Variants in LTBP4 observed in about 807,000 individuals in gnomAD.
LTBP4 encodes the protein latent transforming growth factor beta binding protein 4.
In LTBP4, 93 loss-of-function variants were observed where a neutral mutation model predicts 180.2. The observed-to-expected ratio is 0.52, with a 90% CI of 0.44 to 0.61. The LOEUF (loss-of-function observed/expected upper bound fraction) is 0.61. Among genes scored for constraint, LTBP4 ranks in the 20% least tolerant of loss-of-function variants. The pLI, the probability that LTBP4 is intolerant of heterozygous loss-of-function variation, is 0.00. For synonymous variants in LTBP4, 947 were observed against 934.5 expected, an observed-to-expected ratio of 1.01 and a Z score of -0.24; for missense variants, 2,116 against 2,256.5, an observed-to-expected ratio of 0.94 and a Z score of 1.26.
chr19:40,620,767 C>CAAAA (rs57662483), intron 22 of LTBP4, among the ~76,000 whole-genome samples: 2 of 100,450 alleles, frequency 2.0e-5, no homozygotes, highest in African/African-American at 7.4e-5. Flanking sequence ...GACTCCGTCC[C>CAAAA]AAAAAAAAAA....
rs1161919179 is a variant in LTBP4, at chr19:40,623,651, G to A, written c.3604G>A (p.Val1202Met). 1.2e-6 allele frequency: 2 copies of A among 1,613,798 alleles called. No homozygotes were observed. Among genetic ancestry groups the A allele is most frequent in the Non-Finnish European group, 1.7e-6 (2 of 1,179,872 alleles). Residue 1202 changes from valine (V) to methionine (M), a missense_variant, in exon 25 of 30, where the codon GTG becomes ATG. Val to Met is a conservative substitution (Grantham distance 21). Around this residue, in one of 5 missense-constraint regions of LTBP4, gnomAD observed 278 missense variants for 373.0 expected, o/e 0.75. Coordinates refer to ENST00000396819, the MANE Select transcript of LTBP4 (RefSeq NM_001042545.2). ...LFRDQVCKSGVCVNTAPGYSC... is the reference protein window; with the variant it reads ...LFRDQVCKSGMCVNTAPGYSC... The stretch of plus-strand genomic sequence containing the variant: ...CCGAGACCAGGTGTGCAAGAGTGGC[G>A]TGTGTGTGAACACGGCCCCGGGCTA...
rs1175613948 is a variant in LTBP4, at chr19:40,613,230, G to T, written c.2431+34G>T. 6.4e-7 allele frequency: 1 copy of T among 1,551,762 alleles called. No individual in the cohort carries two copies. The highest frequency in any genetic ancestry group is 1.9e-5 in the Admixed American group (1 of 51,390). Reference sequence around the variant, plus strand: ...CATAGGGACCCGCCAGAGAGTCTGGGAGTAGGGCCTGGGTTCCAGGGCAAA... The same window carrying T: ...CATAGGGACCCGCCAGAGAGTCTGGTAGTAGGGCCTGGGTTCCAGGGCAAA... On this transcript the variant is annotated intron_variant, in intron 16 of 29. Coordinates refer to ENST00000396819, the MANE Select transcript of LTBP4 (RefSeq NM_001042545.2). This position sits in a 1 kb window ranked among gnomAD's most constrained non-coding sequence, Gnocchi z 5.0.
intron 1 of LTBP4, chr19:40,593,306 A>T: frequency 9.1e-7 from 1 of 1,094,180 alleles, no homozygotes; most frequent in Non-Finnish European, 1.4e-6. Context: ...GCAGTGGTGC[A>T]ATCATGGCTC....
intron 22 of LTBP4, among the ~76,000 whole-genome samples, chr19:40,620,511 G>C (rs2081579118): frequency 6.6e-6 from 1 of 151,008 alleles, no homozygotes; most frequent in Non-Finnish European, 1.5e-5. Context: ...ATTGGTGGCT[G>C]AAGGCCATAA....
intron 6 of LTBP4, 44 bp downstream of exon 6, chr19:40,606,570 G>T (rs1376585377): frequency 1.2e-5 from 18 of 1,535,158 alleles, no homozygotes; most frequent in Non-Finnish European, 1.4e-5. Context: ...CGCCCTCCCT[G>T]CCCTCAGAAG....
intron 19 of LTBP4, among the ~76,000 whole-genome samples, chr19:40,615,693 G>A (rs979613558): frequency 8.6e-5 from 13 of 151,986 alleles, no homozygotes; most frequent in Non-Finnish European, 4.4e-5. Flanking sequence ...GGGAGGCGGA[G>A]GTGGCAGTTG....
chr19:40,610,696 C>T, intron 12 of LTBP4, 39 bp downstream of exon 12: 1 of 1,555,546 alleles, frequency 6.4e-7, no homozygotes, highest in Non-Finnish European at 8.7e-7. Context: ...GGGGTGTGAG[C>T]GGTTGGGTAG....
Position 40,605,696 on chromosome 19 carries a change from GC to G in LTBP4, c.691-32del, listed in dbSNP as rs1332742027. 6.5e-7 allele frequency: 1 copy of G among 1,545,806 alleles called. No individual in the cohort carries two copies. Among genetic ancestry groups the G allele is most frequent in the Non-Finnish European group, 8.7e-7 (1 of 1,146,122 alleles). On this transcript the variant is annotated intron_variant, in intron 3 of 29. Transcript: ENST00000396819. This position sits in a 1 kb window ranked among gnomAD's most constrained non-coding sequence, Gnocchi z 5.5. ...GGAGGGGCCCGGAGCTTGCCTCCGC[GC>G]GGGGGCGCGCTCACCCAACACTTCC... is the stretch of plus-strand genomic sequence containing the variant.
At chr19:40,627,442 G>C (rs1242299276) in intron 28 of LTBP4, 87 bp downstream of exon 28, 33 of 1,422,670 alleles carry the variant, frequency 2.3e-5, no homozygotes, top group Non-Finnish European at 2.9e-5. Flanking sequence ...GGCGGGAGGA[G>C]AGACGGAACA....
Position 40,613,528 on chromosome 19 carries a change from C to G in LTBP4, c.2556C>G (p.Leu852=). ...CCGGACCCCGCGGAGCCTCTTGCCT[C>G]GGTTCGTACCCGGGCTGATCCTGGC... ...YRPGPRGASC[L]DVDECSEEDL... is the part of the protein sequence containing the mutation. Residue 852 remains leucine, a splice_region_variant and synonymous_variant, in exon 17 of 30, where the codon CTC becomes CTG. Coordinates refer to ENST00000396819, the MANE Select transcript of LTBP4 (RefSeq NM_001042545.2). The surrounding 1 kb of genome is among the most constrained non-coding windows in gnomAD (Gnocchi z 5.0). 6.4e-7 allele frequency: 1 copy of G among 1,566,134 alleles called. No homozygotes were observed. Among genetic ancestry groups the G allele is most frequent in the Non-Finnish European group, 8.6e-7 (1 of 1,156,836 alleles).
Position 40,611,990 on chromosome 19 carries a change from G to C in LTBP4, c.2179+6G>C, listed in dbSNP as rs377405402. The C allele has an allele frequency of 1.2e-6, 2 of 1,611,630 alleles. No individual in the cohort carries two copies. The highest frequency in any genetic ancestry group is 2.7e-5 in the African/African-American group (2 of 74,802). Reference sequence around the variant, plus strand: ...TGCTGGCTCCGAGTGCGAGGGTGAGGCCGGGGAGGGAGGGAGGAGTGTGGA... The same window carrying C: ...TGCTGGCTCCGAGTGCGAGGGTGAGCCCGGGGAGGGAGGGAGGAGTGTGGA... On this transcript the variant is annotated splice_donor_region_variant and intron_variant, in intron 14 of 29. Transcript: ENST00000396819. The surrounding 1 kb of genome is among the most constrained non-coding windows in gnomAD (Gnocchi z 4.4).
intron 11 of LTBP4, 88 bp from the exon 12 acceptor site, chr19:40,610,444 G>T: frequency 6.8e-7 from 1 of 1,467,964 alleles, no homozygotes; most frequent in Non-Finnish European, 9.1e-7. Flanking sequence ...GCTTGGTCCC[G>T]CTCCCGCTTC....
chr19:40,612,257 A>G, intron 15 of LTBP4, 65 bp downstream of exon 15: 1 of 1,514,102 alleles, frequency 6.6e-7, no homozygotes, highest in Non-Finnish European at 8.9e-7. Flanking sequence ...GACCCAGATC[A>G]CAACTATGAC....
chr19:40,610,637 C>T lies in LTBP4; in HGVS notation c.1790C>T (p.Pro597Leu), dbSNP rs769044873. The T allele has an allele frequency of 5.1e-6, 8 of 1,582,856 alleles. No individual in the cohort carries two copies. In the Admixed American group the frequency reaches 5.1e-5, roughly 10 times the overall value. ...TGCCCCGCCGGGTACCAGGCTGCAC[C>T]GCACGGAGCCAGCTGCCAGGGTGAG... The part of the protein sequence containing the change: ...CVCPAGYQAA[P>L]HGASCQDVDE... The change falls in exon 12 of 30, where the codon CCG becomes CTG. Residue 597 changes from proline to leucine, a missense_variant. By Grantham distance (98) the Pro-to-Leu change is moderately conservative. Transcript: ENST00000396819.
chr19:40,608,525 C>A lies in LTBP4; in HGVS notation c.1348C>A (p.Arg450=). ...TCGCCTGGAGCCCCGGCCTGAACCCCGGCCCGATCCCCGGCCCGGCCCTGA... is the reference window on the plus strand; with the variant it reads ...TCGCCTGGAGCCCCGGCCTGAACCCAGGCCCGATCCCCGGCCCGGCCCTGA... ...THRLEPRPEP[R]PDPRPGPELP... The change falls in exon 9 of 30, where the codon CGG becomes AGG. Residue 450 remains arginine (R), a synonymous_variant. Coordinates refer to ENST00000396819, the MANE Select transcript of LTBP4 (RefSeq NM_001042545.2). The A allele has an allele frequency of 6.2e-7, 1 of 1,605,722 alleles. No homozygotes were observed. The highest frequency in any genetic ancestry group is 8.5e-7 in the Non-Finnish European group (1 of 1,177,118).
intron 1 of LTBP4, among the ~76,000 whole-genome samples, chr19:40,593,666 G>T (rs2081377231): frequency 6.7e-6 from 1 of 149,408 alleles, no homozygotes; most frequent in African/African-American, 2.5e-5. Context: ...ATATGGTGGT[G>T]TTTTGTAATG....
intron 21 of LTBP4, among the ~76,000 whole-genome samples, chr19:40,618,168 A>G (rs1876569721): frequency 6.6e-6 from 1 of 151,338 alleles, no homozygotes; most frequent in African/African-American, 2.4e-5. Context: ...GGCTCAAGCC[A>G]TCCTCCCTCC....
Position 40,609,385 on chromosome 19 carries a change from G to A in LTBP4, c.1427-145G>A, listed in dbSNP as rs939975545. The A allele has an allele frequency of 2.9e-6, 3 of 1,021,936 alleles. No individual in the cohort carries two copies. The highest frequency in any genetic ancestry group is 4.3e-6 in the Non-Finnish European group (3 of 697,152). The allele number at this position is 1,021,936 out of a possible 1,614,324, so 63.3% of individuals were successfully genotyped here. ...GAGAACGTTCCAGGATAAAAAAGAT[G>A]GAGATCAGAAGAAGACTGGGCTTGC... On this transcript the variant is annotated intron_variant, in intron 9 of 29. Coordinates refer to ENST00000396819, the MANE Select transcript of LTBP4 (RefSeq NM_001042545.2). This position sits in a 1 kb window ranked among gnomAD's most constrained non-coding sequence, Gnocchi z 4.9.
chr19:40,605,736 C>T lies in LTBP4; in HGVS notation c.698C>T (p.Ser233Phe), dbSNP rs886054445. Residue 233 changes from serine to phenylalanine, a missense_variant, in exon 4 of 30, where the codon TCC (serine) becomes TTC (phenylalanine). Transcript: ENST00000396819. The surrounding 1 kb of genome is among the most constrained non-coding windows in gnomAD (Gnocchi z 5.5). The part of the protein sequence containing the change: ...FRELRGGECA[S>F]PLPGLRTQEV... Reference sequence around the variant, plus strand: ...CCCAACACTTCCCCGCAGTGCGCGTCCCCGCTGCCCGGGCTCCGGACGCAG... The same window carrying T: ...CCCAACACTTCCCCGCAGTGCGCGTTCCCGCTGCCCGGGCTCCGGACGCAG... 1.5e-4 allele frequency: 231 copies of T among 1,545,678 alleles called. No individual in the cohort carries two copies. Among genetic ancestry groups the T allele is most frequent in the Non-Finnish European group, 2.0e-4 (224 of 1,146,520 alleles).
Sources: gnomAD v4.1 joint callset for allele counts (sites outside exome capture counted in the v4.1 genomes callset) on GRCh38, gnomAD v4.1.1 for gene constraint, gnomAD v4.1.1 regional missense constraint, Gnocchi (gnomAD v3.1) non-coding constraint, MANE v1.5 for transcripts, NCBI Gene and HGNC (gene_info 2026-07-23, HGNC 2026-07-21) for gene names.